Variants in MTRF1 observed in about 807,000 individuals in gnomAD.
MTRF1 encodes peptide chain release factor 1, mitochondrial.
Under a neutral mutation model 62.9 loss-of-function variants are expected in MTRF1, and 51 were observed. The observed-to-expected ratio is 0.81, with a 90% CI of 0.65 to 1.02. MTRF1 has a LOEUF of 1.02. MTRF1 is among the 50% of genes least tolerant of loss of function. The pLI is 0.00. For synonymous variants in MTRF1, 158 were observed against 181.9 expected, an observed-to-expected ratio of 0.87 and a Z score of 1.06; for missense variants, 446 against 530.0, an observed-to-expected ratio of 0.84 and a Z score of 1.56.
chr13:41,244,370 T>C (rs1385565714), intron 5 of MTRF1, among the ~76,000 whole-genome samples: 1 of 152,236 alleles, frequency 6.6e-6, no homozygotes, highest in Admixed American at 6.5e-5. Flanking sequence ...CCAAACATTT[T>C]ATTAGCCTAT....
the MTRF1 span, among the ~76,000 whole-genome samples, chr13:41,297,323 T>C: frequency 6.6e-6 from 1 of 152,216 alleles, no homozygotes; most frequent in African/African-American, 2.4e-5. Flanking sequence ...TAGCCCACCA[T>C]AGTTCTATCT....
At chr13:41,272,841 C>CA in the MTRF1 span, among the ~76,000 whole-genome samples, 7 of 151,566 alleles carry the variant, frequency 4.6e-5, no homozygotes, top group South Asian at 8.3e-4. Flanking sequence ...AGTAAAATGC[C>CA]AAAAAAAGGC....
At chr13:41,268,377 A>G (rs1305537495), upstream of MTRF1, among the ~76,000 whole-genome samples, 2 of 152,192 alleles carry the variant, frequency 1.3e-5, no homozygotes, top group Non-Finnish European at 1.5e-5. Context: ...GATTTTAGAA[A>G]GTTTGTCAAA....
At chr13:41,311,745 G>A in the MTRF1 span, among the ~76,000 whole-genome samples, 1 of 152,200 alleles carries the variant, frequency 6.6e-6, no homozygotes, top group South Asian at 2.1e-4. Context: ...CGCTCCGGCC[G>A]GCCCACGGGG....
the MTRF1 span, among the ~76,000 whole-genome samples, chr13:41,279,077 C>G: frequency 6.6e-6 from 1 of 152,198 alleles, no homozygotes; most frequent in Non-Finnish European, 1.5e-5. Flanking sequence ...CAACCTCTTT[C>G]TCCCGGGTTT....
chr13:41,283,585 C>CTTTTTTTTTTTTTTTTTTTTTTTTTTT, the MTRF1 span, among the ~76,000 whole-genome samples: 2 of 83,558 alleles, frequency 2.4e-5, no homozygotes, highest in East Asian at 4.2e-4. Flanking sequence ...CTCTGACAAT[C>CTTTTTTTTTTTTTTTTTTTTTTTTTTT]TTTTTTTTTT....
At chr13:41,310,215 C>T in the MTRF1 span, among the ~76,000 whole-genome samples, 4 of 152,220 alleles carry the variant, frequency 2.6e-5, no homozygotes, top group African/African-American at 7.2e-5. Flanking sequence ...TAGACTCACA[C>T]ATTACCATCA....
At chr13:41,290,839 T>A in the MTRF1 span, among the ~76,000 whole-genome samples, 1 of 150,350 alleles carries the variant, frequency 6.7e-6, no homozygotes, top group Non-Finnish European at 1.5e-5. Context: ...ATGCCTGTAA[T>A]CCCAGCACTT....
chr13:41,235,275 C>A (rs2036297024), intron 6 of MTRF1: 1 of 151,984 alleles, frequency 6.6e-6, no homozygotes, highest in Non-Finnish European at 1.5e-5. Flanking sequence ...TAATATTGAA[C>A]CATTGTTCCT....
At chr13:41,292,746 C>T in the MTRF1 span, among the ~76,000 whole-genome samples, 2 of 151,722 alleles carry the variant, frequency 1.3e-5, no homozygotes, top group African/African-American at 2.4e-5. Flanking sequence ...AATAGTGAGA[C>T]CCTCATCTCA....
chr13:41,307,524 T>A, the MTRF1 span, among the ~76,000 whole-genome samples: 17 of 152,040 alleles, frequency 1.1e-4, 1 homozygote, highest in South Asian at 2.3e-3. Flanking sequence ...CTCAGGAGGC[T>A]GAGGCAGGAG....
chr13:41,226,460 C>A lies in MTRF1; in HGVS notation c.1097G>T (p.Arg366Leu). The A allele has an allele frequency of 6.2e-7, 1 of 1,612,872 alleles. No individual in the cohort carries two copies. ...LYQQIIEKDK[R>L]QQQSARKLQV... ...CAGTTTTCTAGCACTTTGTTGCTGA[C>A]GCTTGTCTTTCTCAATAATCTGCTG... The change falls in exon 8 of 10, where the codon CGT becomes CTT. Residue 366 changes from arginine (R) to leucine (L), a missense_variant. Arg to Leu is a moderately radical substitution (Grantham distance 102). Coordinates refer to ENST00000379480, the MANE Select transcript of MTRF1 (RefSeq NM_004294.4).
intron 1 of MTRF1, 120 bp downstream of exon 1, chr13:41,263,365 G>A: frequency 8.3e-7 from 1 of 1,198,706 alleles, no homozygotes; most frequent in Non-Finnish European, 1.1e-6. Context: ...CAGGTCAGAA[G>A]CGACAGCCCG....
chr13:41,236,963 A>T (rs527810905), intron 6 of MTRF1, among the ~76,000 whole-genome samples: 1 of 152,298 alleles, frequency 6.6e-6, no homozygotes, highest in East Asian at 1.9e-4. Flanking sequence ...CACGCCTGTA[A>T]TCTCAGCACT....
At chr13:41,237,912 T>C (rs533425418) in intron 6 of MTRF1, among the ~76,000 whole-genome samples, 2 of 152,280 alleles carry the variant, frequency 1.3e-5, no homozygotes, top group Non-Finnish European at 2.9e-5. Flanking sequence ...TTATATATAG[T>C]ATATAATAAA....
intron 5 of MTRF1, among the ~76,000 whole-genome samples, chr13:41,249,651 G>A (rs1348478047): frequency 3.6e-5 from 3 of 83,506 alleles, no homozygotes; most frequent in Non-Finnish European, 6.6e-5. Flanking sequence ...TTTTGGAGAT[G>A]GGAGTCATTC....
At chr13:41,279,675 C>G in the MTRF1 span, among the ~76,000 whole-genome samples, 1 of 152,062 alleles carries the variant, frequency 6.6e-6, no homozygotes, top group African/African-American at 2.4e-5. Flanking sequence ...TTATGAGACA[C>G]GGAAAAAAAT....
the MTRF1 span, chr13:41,288,440 T>C: frequency 5.8e-6 from 1 of 173,502 alleles, no homozygotes; most frequent in South Asian, 1.3e-4. Context: ...GCCAAGGTCG[T>C]TGTCCATGCC....
the MTRF1 span, among the ~76,000 whole-genome samples, chr13:41,284,627 AAATT>A: frequency 1.3e-5 from 2 of 151,930 alleles, no homozygotes; most frequent in African/African-American, 4.8e-5. Context: ...AACAGGCTCT[AAATT>A]AATTAATTAA....
Sources: allele counts gnomAD v4.1 joint callset (sites outside exome capture counted in the v4.1 genomes callset), GRCh38; gene constraint gnomAD v4.1.1; transcripts MANE v1.5; gene names NCBI Gene and HGNC (gene_info 2026-07-23, HGNC 2026-07-21).